The following PRDX1 variants were observed in gnomAD, a reference collection of about 807,000 sequenced individuals.
PRDX1 encodes peroxiredoxin-1.
PRDX1 carries 19 observed loss-of-function variants against 20.7 expected under a neutral mutation model. The observed-to-expected ratio is 0.92, with a 90% CI of 0.64 to 1.35. PRDX1 has a LOEUF of 1.35. Among genes scored for constraint, PRDX1 ranks in the 40% most tolerant of loss-of-function variants. The pLI is 0.00. For missense variants in PRDX1, 226 were observed against 240.0 expected, an observed-to-expected ratio of 0.94 and a Z score of 0.38; for synonymous variants, 89 against 83.9, an observed-to-expected ratio of 1.06 and a Z score of -0.33.
chr1:45,514,051 T>C (rs888984676), intron 5 of PRDX1, among the ~76,000 whole-genome samples: 7 of 152,172 alleles, frequency 4.6e-5, no homozygotes, highest in Admixed American at 4.6e-4. Context: ...CCCAATTGTA[T>C]GTTCCATCTA....
intron 2 of PRDX1, among the ~76,000 whole-genome samples, chr1:45,518,230 A>C (rs541292297): frequency 9.7e-4 from 148 of 152,016 alleles, no homozygotes; most frequent in African/African-American, 3.5e-3. Flanking sequence ...TGGGACGCCG[A>C]GGTGGGCGGA....
intron 4 of PRDX1, 116 bp from the exon 5 acceptor site, chr1:45,514,753 C>CT: frequency 6.4e-7 from 1 of 1,569,190 alleles, no homozygotes; most frequent in Non-Finnish European, 8.7e-7. Flanking sequence ...CTGGCCTGGC[C>CT]TTAGTGAGGA....
intron 1 of PRDX1, among the ~76,000 whole-genome samples, chr1:45,520,839 G>T (rs866036655): frequency 1.3e-5 from 2 of 152,166 alleles, no homozygotes; most frequent in Non-Finnish European, 1.5e-5. Flanking sequence ...GGGAGACAGG[G>T]GTTGCAGTAA....
Position 45,515,783 on chromosome 1 carries a change from T to TA in PRDX1, c.130dup (p.Tyr44LeufsTer4), listed in dbSNP as rs778262329. 19 of 1,581,464 alleles carry TA rather than the reference T, an allele frequency of 1.2e-5. No individual in the cohort carries two copies. Among genetic ancestry groups the TA allele is most frequent in the Non-Finnish European group, 1.5e-5 (17 of 1,169,034 alleles). ...GCACACAAAGGTGAAGTCAAGAGGG[T>TA]AAAAGAAGAACACAACATATTTTCC... On this transcript the variant is annotated frameshift_variant, in exon 3 of 6. Coordinates refer to ENST00000319248, the MANE Select transcript of PRDX1 (RefSeq NM_181697.3). LOFTEE classifies it high-confidence loss of function.
In PRDX1 at chr1:45,521,829, C is replaced by T. The variant is rs1643916689; in HGVS notation, c.-12G>A. On this transcript the variant is annotated splice_region_variant and 5_prime_UTR_variant, in exon 1 of 6. Coordinates refer to ENST00000319248, the MANE Select transcript of PRDX1 (RefSeq NM_181697.3). ...CAGGGGCCGCACTGCCCACACTCAC[C>T]AGTCCCAACACAAGTCGCAGAAACT... The T allele has an allele frequency of 6.5e-6, 1 of 152,916 alleles. No homozygotes were observed. The highest frequency in any genetic ancestry group is 2.1e-4 in the South Asian group (1 of 4,842). 9.5% of individuals were successfully genotyped at this position (152,916 alleles called of 1,614,324 possible). A position where few individuals can be genotyped will look rare whatever the true frequency, so the allele number is the denominator to read the frequency against.
chr1:45,512,051 G>A (rs1643758271), intron 5 of PRDX1: 1 of 150,736 alleles, frequency 6.6e-6, no homozygotes, highest in Admixed American at 6.6e-5. Flanking sequence ...GAGGCAAGGG[G>A]ACTAATCTCT....
intron 2 of PRDX1, 109 bp from the exon 3 acceptor site, chr1:45,515,916 GC>G (rs1457815379): frequency 1.2e-4 from 131 of 1,092,388 alleles, no homozygotes; most frequent in South Asian, 2.5e-4. Flanking sequence ...ACCACTAACT[GC>G]CAAGATGCTC....
chr1:45,518,887 C>G (rs761622256), intron 2 of PRDX1, 51 bp downstream of exon 2: 1 of 1,453,318 alleles, frequency 6.9e-7, no homozygotes, highest in Non-Finnish European at 9.5e-7. Context: ...CAAGCCACCC[C>G]TAGAATATAA....
At chr1:45,516,204 C>T (rs1643860261) in intron 2 of PRDX1, among the ~76,000 whole-genome samples, 1 of 152,244 alleles carries the variant, frequency 6.6e-6, no homozygotes, top group African/African-American at 2.4e-5. Context: ...TGCAGTACTC[C>T]TCTGCTGTAG....
chr1:45,515,592 CCATCTCAA>C (rs2149327911), intron 3 of PRDX1, 54 bp downstream of exon 3: 2 of 1,208,422 alleles, frequency 1.7e-6, no homozygotes, highest in African/African-American at 5.0e-5. Flanking sequence ...AAGCAAGACT[CCATCTCAA>C]AAAAAAAAAA....
At position 45,511,382 on chromosome 1, in the gene PRDX1, T is replaced by C. The variant is rs758757800; in HGVS notation, c.547A>G (p.Thr183Ala). Reference sequence around the variant, plus strand: ...CTCTTTTGGACATCAGGCTTGATGGTATCACTGCCAGGTTTCCAGCCAGCT... The same window carrying C: ...CTCTTTTGGACATCAGGCTTGATGGCATCACTGCCAGGTTTCCAGCCAGCT... ...CPAGWKPGSD[T>A]IKPDVQKSKE... Residue 183 changes from threonine (T) to alanine (A), a missense_variant, in exon 6 of 6, where the codon ACC becomes GCC. Thr to Ala is a moderately conservative substitution (Grantham distance 58). Transcript: ENST00000319248. The C allele has an allele frequency of 6.2e-7, 1 of 1,613,248 alleles. No individual in the cohort carries two copies. Among genetic ancestry groups the C allele is most frequent in the Admixed American group, 1.7e-5 (1 of 59,888 alleles).
In PRDX1 at chr1:45,515,797, A is replaced by G. The variant is rs1352716217; in HGVS notation, c.117T>C (p.Val39=). ...AGTCAAGAGGGTAAAAGAAGAACACAACATATTTTCCTGGGGGGAAAATCG... is the reference window on the plus strand; with the variant it reads ...AGTCAAGAGGGTAAAAGAAGAACACGACATATTTTCCTGGGGGGAAAATCG... ...ISLSDYKGKY[V]VFFFYPLDFT... Residue 39 remains valine, a synonymous_variant, in exon 3 of 6, where the codon GTT becomes GTC. Coordinates refer to ENST00000319248, the MANE Select transcript of PRDX1 (RefSeq NM_181697.3). 4.5e-6 allele frequency: 7 copies of G among 1,560,582 alleles called. No homozygotes were observed. In the South Asian group the frequency reaches 6.1e-5, roughly 14 times the overall value.
intron 2 of PRDX1, among the ~76,000 whole-genome samples, chr1:45,517,217 CCTCCCTATGGTGCAA>C (rs1178561843): frequency 6.6e-6 from 1 of 152,124 alleles, no homozygotes; most frequent in Non-Finnish European, 1.5e-5. Flanking sequence ...GCCCAGGTCA[CCTCCCTATGGTGCAA>C]CTTACCTTGT....
In PRDX1 at chr1:45,515,743, A is replaced by G. The variant is rs1214324212; in HGVS notation, c.171T>C (p.Ile57=). 5 of 1,606,398 alleles carry G rather than the reference A, an allele frequency of 3.1e-6. No homozygotes were observed. The highest frequency in any genetic ancestry group is 4.2e-6 in the Non-Finnish European group (5 of 1,177,822). The change falls in exon 3 of 6, where the codon ATT becomes ATC. Residue 57 remains isoleucine, a synonymous_variant. Transcript: ENST00000319248. The stretch of plus-strand genomic sequence containing the variant: ...ATTCTTCTGCCCTATCACTGAAAGC[A>G]ATGATCTCCGTGGGGCACACAAAGG... ...DFTFVCPTEI[I]AFSDRAEEFK...
chr1:45,513,814 A>AG (rs748216525), intron 5 of PRDX1, among the ~76,000 whole-genome samples: 13 of 152,238 alleles, frequency 8.5e-5, no homozygotes, highest in Non-Finnish European at 1.6e-4. Flanking sequence ...GGAAGGCCAC[A>AG]GGGACCTCTG....
chr1:45,520,962 T>C (rs1284814274), intron 1 of PRDX1, among the ~76,000 whole-genome samples: 1 of 152,088 alleles, frequency 6.6e-6, no homozygotes, highest in African/African-American at 2.4e-5. Context: ...AGTCCCAAAG[T>C]TCTTAGTTCA....
rs1457508107 is a variant in PRDX1, at chr1:45,518,947, C to CA, written c.96dup (p.Asp33Ter). On this transcript the variant is annotated frameshift_variant, in exon 2 of 6. Coordinates refer to ENST00000319248, the MANE Select transcript of PRDX1 (RefSeq NM_181697.3). LOFTEE classifies it high-confidence loss of function. ...GTGTTAATTCTCTCACCTTTGTAGT[C>CA]AGACAGGCTGATATCTTTAAACTGA... 1 of 1,598,954 alleles carries CA rather than the reference C, an allele frequency of 6.3e-7. No homozygotes were observed. The highest frequency in any genetic ancestry group is 1.3e-5 in the African/African-American group (1 of 74,460).
intron 5 of PRDX1, among the ~76,000 whole-genome samples, chr1:45,513,985 G>A (rs1643808363): frequency 6.6e-6 from 1 of 152,208 alleles, no homozygotes; most frequent in South Asian, 2.1e-4. Flanking sequence ...GTTGAGACAA[G>A]AGGAAGGCAT....
In PRDX1 at chr1:45,514,650, A is replaced by C; in HGVS notation, c.384-13T>G. The C allele has an allele frequency of 6.2e-7, 1 of 1,613,400 alleles. No homozygotes were observed. Among genetic ancestry groups the C allele is most frequent in the Non-Finnish European group, 8.5e-7 (1 of 1,179,332 alleles). ...GATAAAAAGGCCCCTGGGAAAAGAGATGAAAGGAAAAGCAATACAGGTTTA... is the reference window on the plus strand; with the variant it reads ...GATAAAAAGGCCCCTGGGAAAAGAGCTGAAAGGAAAAGCAATACAGGTTTA... On this transcript the variant is annotated splice_polypyrimidine_tract_variant and intron_variant, in intron 4 of 5. Transcript: ENST00000319248.
Sources: allele counts gnomAD v4.1 joint callset (sites outside exome capture counted in the v4.1 genomes callset), GRCh38; gene constraint gnomAD v4.1.1; transcripts MANE v1.5; gene names NCBI Gene and HGNC (gene_info 2026-07-23, HGNC 2026-07-21).